The following MCOLN3 variants were observed in gnomAD, a reference collection of about 807,000 sequenced individuals.
MCOLN3 encodes mucolipin-3.
A neutral mutation model predicts 69.4 loss-of-function variants in MCOLN3; 62 were observed. The ratio of observed to expected loss-of-function variants is 0.89; its 90% CI spans 0.73 to 1.10. MCOLN3 has a LOEUF of 1.10. MCOLN3 is among the 50% of genes least tolerant of loss of function. The pLI is 0.00. For synonymous variants in MCOLN3, 183 were observed against 217.0 expected, an observed-to-expected ratio of 0.84 and a Z score of 1.38; for missense variants, 564 against 656.4, an observed-to-expected ratio of 0.86 and a Z score of 1.54.
At chr1:85,038,659 T>C (rs1210256745) in intron 3 of MCOLN3, among the ~76,000 whole-genome samples, 1 of 152,172 alleles carries the variant, frequency 6.6e-6, no homozygotes, top group African/African-American at 2.4e-5. Context: ...AGAAATGCTT[T>C]CTTCACAGAA....
intron 3 of MCOLN3, among the ~76,000 whole-genome samples, chr1:85,037,471 T>A (rs1367629572): frequency 6.6e-6 from 1 of 152,232 alleles, no homozygotes; most frequent in Non-Finnish European, 1.5e-5. Context: ...GACCACAGAA[T>A]CTTGTGTCTT....
chr1:85,023,613 A>T (rs1313997275), intron 9 of MCOLN3: 1 of 152,198 alleles, frequency 6.6e-6, no homozygotes, highest in Admixed American at 6.5e-5. Context: ...ATCCAAGTGG[A>T]GATATAGACT....
chr1:85,026,336 T>C, intron 7 of MCOLN3, 52 bp from the exon 8 acceptor site: 1 of 1,152,068 alleles, frequency 8.7e-7, no homozygotes, highest in African/African-American at 1.5e-5. Context: ...ATTAATATGG[T>C]GACATCTTCT....
chr1:85,047,881 G>C (rs1653454241), intron 1 of MCOLN3, among the ~76,000 whole-genome samples: 1 of 152,240 alleles, frequency 6.6e-6, no homozygotes, highest in Admixed American at 6.5e-5. Context: ...AGCTCAGACG[G>C]CCGCAGCCCG....
intron 12 of MCOLN3, among the ~76,000 whole-genome samples, chr1:85,019,514 G>A (rs1651818908): frequency 6.6e-6 from 1 of 152,130 alleles, no homozygotes; most frequent in Admixed American, 6.5e-5. Context: ...ACACTGAGTC[G>A]AAGTCTGAGT....
intron 7 of MCOLN3, among the ~76,000 whole-genome samples, chr1:85,028,590 A>G (rs527474212): frequency 4.3e-4 from 65 of 152,354 alleles, no homozygotes; most frequent in Non-Finnish European, 6.8e-4. Context: ...ATTTTTGTCC[A>G]TATTTCTAAG....
chr1:85,023,457 A>G (rs1012681053), intron 9 of MCOLN3: 1 of 152,228 alleles, frequency 6.6e-6, no homozygotes, highest in African/African-American at 2.4e-5. Flanking sequence ...GTCTGTGATG[A>G]ATCCAAGATT....
Position 85,032,764 on chromosome 1 carries a change from G to A in MCOLN3, c.664C>T (p.Leu222=). ...RLLTVELQFK[L]KAINLQTVRH... is the part of the protein sequence containing the mutation. The stretch of plus-strand genomic sequence containing the variant: ...ACTGTCTGCAGATTAATGGCTTTCA[G>A]TTTAAACTGAAGCTCCACTGTTAGG... Residue 222 remains leucine (L), a synonymous_variant, in exon 6 of 13, where the codon CTG becomes TTG. Coordinates refer to ENST00000370589, the MANE Select transcript of MCOLN3 (RefSeq NM_018298.11). 1 of 1,614,134 alleles carries A rather than the reference G, an allele frequency of 6.2e-7. No homozygotes were observed. Among genetic ancestry groups the A allele is most frequent in the Non-Finnish European group, 8.5e-7 (1 of 1,179,958 alleles).
rs1393744279 is a variant in MCOLN3, at chr1:85,026,072, A to T, written c.962T>A (p.Phe321Tyr). The change falls in exon 9 of 13, where the codon TTC (phenylalanine) becomes TAC (tyrosine). Residue 321 changes from phenylalanine to tyrosine, a missense_variant. Phe to Tyr is a conservative substitution (Grantham distance 22). Coordinates refer to ENST00000370589, the MANE Select transcript of MCOLN3 (RefSeq NM_018298.11). ...LQLQQEFVNF[F>Y]LLHYKKEVSV... ...AACTTCCTTCTTATAATGGAGGAGG[A>T]AAAAATTGACAAACTCCTTTAGGGA... is the stretch of plus-strand genomic sequence containing the variant. The T allele has an allele frequency of 1.2e-6, 2 of 1,602,508 alleles. No homozygotes were observed. The highest frequency in any genetic ancestry group is 4.5e-5 in the East Asian group (2 of 44,740).
intron 12 of MCOLN3, among the ~76,000 whole-genome samples, chr1:85,020,148 T>G (rs1651854503): frequency 6.6e-6 from 1 of 152,208 alleles, no homozygotes; most frequent in Non-Finnish European, 1.5e-5. Flanking sequence ...TACAACTACA[T>G]TCTTTCCCAG....
chr1:85,021,977 C>A, intron 11 of MCOLN3, 93 bp downstream of exon 11: 1 of 1,471,716 alleles, frequency 6.8e-7, no homozygotes, highest in Non-Finnish European at 9.2e-7. Flanking sequence ...GGCTGAATCA[C>A]AAAATAAAAG....
rs1484097246 is a variant in MCOLN3 at position 85,026,259 on chromosome 1, C to T, written c.858G>A (p.Met286Ile). The change falls in exon 8 of 13, where the codon ATG becomes ATA. Residue 286 changes from methionine (M) to isoleucine (I), a missense_variant. Transcript: ENST00000370589. ...TCAGAATGACAAAGGCATCAAAGATCATCATGTAATGAGTGTTCTTCTGAA... is the reference window on the plus strand; with the variant it reads ...TCAGAATGACAAAGGCATCAAAGATTATCATGTAATGAGTGTTCTTCTGAA... ...GSIQKNTHYM[M>I]IFDAFVILTC... is the part of the protein sequence containing the mutation. 3.7e-6 allele frequency: 6 copies of T among 1,613,856 alleles called. No homozygotes were observed. Among genetic ancestry groups the T allele is most frequent in the Admixed American group, 1.7e-5 (1 of 60,000 alleles).
At chr1:85,029,307 C>T in intron 6 of MCOLN3, 102 bp from the exon 7 acceptor site, 1 of 684,096 alleles carries the variant, frequency 1.5e-6, no homozygotes, top group South Asian at 1.8e-5. Context: ...GACAGGAGAC[C>T]CAGATTCTCA....
chr1:85,037,916 A>G lies in MCOLN3; in HGVS notation c.396+3094T>C, dbSNP rs2102937449. On this transcript the variant is annotated intron_variant, in intron 3 of 12. Transcript: ENST00000370589. The stretch of plus-strand genomic sequence containing the variant: ...AGAGAAGGAGTTTTCAGTCAGATTC[A>G]TGGGTCCCAGGTCAGCCTTTGAGTG... Among the ~76,000 whole-genome samples, 3 of 152,306 alleles carry G rather than the reference A, an allele frequency of 2.0e-5. No homozygotes were observed. The South Asian group carries it at 6.2e-4, about 32-fold the overall frequency.
chr1:85,025,928 A>G lies in MCOLN3; in HGVS notation c.1095+11T>C, dbSNP rs757142286. 2.6e-5 allele frequency: 41 copies of G among 1,584,688 alleles called. 1 individual carries two copies. The Middle Eastern group carries it at 1.4e-3, about 54-fold the overall frequency. On this transcript the variant is annotated intron_variant, in intron 9 of 12. Coordinates refer to ENST00000370589, the MANE Select transcript of MCOLN3 (RefSeq NM_018298.11). ...TGACACTAACAATAGCATGATTAGG[A>G]AAAAAATTACCTTAGCTTGGATTTC...
At chr1:85,023,529 C>T (rs1202450116) in intron 9 of MCOLN3, 1 of 152,150 alleles carries the variant, frequency 6.6e-6, no homozygotes, top group Non-Finnish European at 1.5e-5. Flanking sequence ...ATGGGAAAAG[C>T]AGGTTTTGAC....
chr1:85,022,193 C>G lies in MCOLN3; in HGVS notation c.1198-1G>C. The G allele has an allele frequency of 1.2e-6, 2 of 1,613,954 alleles. No individual in the cohort carries two copies. The highest frequency in any genetic ancestry group is 1.7e-5 in the Admixed American group (1 of 59,954). ...CTGCCTGAAGGGTCAAAATGAGGAG[C>G]TGGGAAAGTAAGAGAGGCCATTAGA... On this transcript the variant is annotated splice_acceptor_variant, in intron 10 of 12. Coordinates refer to ENST00000370589, the MANE Select transcript of MCOLN3 (RefSeq NM_018298.11). LOFTEE classifies it high-confidence loss of function.
intron 7 of MCOLN3, among the ~76,000 whole-genome samples, chr1:85,028,847 G>C (rs1389979204): frequency 6.6e-6 from 1 of 152,138 alleles, no homozygotes; most frequent in Non-Finnish European, 1.5e-5. Flanking sequence ...TGTATGTAGG[G>C]TTTTGGTGGC....
chr1:85,028,441 C>T (rs1652329445), intron 7 of MCOLN3, among the ~76,000 whole-genome samples: 1 of 152,170 alleles, frequency 6.6e-6, no homozygotes, highest in Admixed American at 6.5e-5. Context: ...TCTGAGAACT[C>T]CTCATCTAGC....
Sources: allele counts gnomAD v4.1 joint callset (sites outside exome capture counted in the v4.1 genomes callset), GRCh38; gene constraint gnomAD v4.1.1; transcripts MANE v1.5; gene names NCBI Gene and HGNC (gene_info 2026-07-23, HGNC 2026-07-21).